The following MOK variants were observed in gnomAD, a reference collection of about 807,000 sequenced individuals.
MOK encodes the protein MOK protein kinase.
MOK carries 59 observed loss-of-function variants against 54.2 expected under a neutral mutation model. That is an observed-to-expected ratio of 1.09 (90% CI 0.88 to 1.35). The LOEUF is 1.35. Ranked by LOEUF, MOK falls within the 40% of genes most tolerant of loss-of-function variation. The probability of loss-of-function intolerance (pLI) is 0.00; values close to 1 mark genes in which losing one functional copy is unlikely to be tolerated. For missense variants in MOK, 517 were observed against 526.2 expected, an observed-to-expected ratio of 0.98 and a Z score of 0.17; for synonymous variants, 210 against 202.7, an observed-to-expected ratio of 1.04 and a Z score of -0.31.
At chr14:102,269,219 C>T (rs1049105103) in intron 2 of MOK, among the ~76,000 whole-genome samples, 10 of 150,418 alleles carry the variant, frequency 6.6e-5, no homozygotes, top group African/African-American at 2.4e-4. Flanking sequence ...CAAAATCTTG[C>T]TCTGTCATTC....
chr14:102,217,935 G>A, the MOK span, among the ~76,000 whole-genome samples: 1 of 152,216 alleles, frequency 6.6e-6, no homozygotes, highest in Non-Finnish European at 1.5e-5. Context: ...ACCTGCCACA[G>A]AGGCCAGCAT....
intron 2 of MOK, 165 bp downstream of exon 2, chr14:102,283,313 C>G: frequency 3.9e-6 from 2 of 517,212 alleles, no homozygotes; most frequent in Non-Finnish European, 6.8e-6. Flanking sequence ...TGAGTAAACT[C>G]CAGTATGATA....
chr14:102,266,315 T>G lies in MOK; in HGVS notation c.123-403A>C, dbSNP rs546300147. On this transcript the variant is annotated intron_variant, in intron 2 of 11. Coordinates refer to ENST00000361847, the MANE Select transcript of MOK (RefSeq NM_014226.3). ...GAAAAGACCCACCCCTCCTTTTTTT[T>G]TTTGTTTTTGAGACAAAGCCTCACT... Among the ~76,000 whole-genome samples the G allele has an allele frequency of 7.9e-5, 12 of 152,196 alleles. No homozygotes were observed. The South Asian group carries it at 8.3e-4, about 11-fold the overall frequency.
intron 4 of MOK, among the ~76,000 whole-genome samples, chr14:102,256,964 A>G (rs969773761): frequency 6.6e-6 from 1 of 152,044 alleles, no homozygotes; most frequent in African/African-American, 2.4e-5. Context: ...ACTCACGCCA[A>G]AGAATTCAGA....
chr14:102,231,620 G>C lies in MOK; in HGVS notation c.981+87C>G. On this transcript the variant is annotated intron_variant, in intron 10 of 11. Transcript: ENST00000361847. The surrounding 1 kb of genome is among the most constrained non-coding windows in gnomAD (Gnocchi z 4.4). ...TGGTCTGCCACAGCCTCCACAGGTG[G>C]CGTCCTCCTGAGAGAGACACAGGCC... 1.7e-6 allele frequency: 2 copies of C among 1,143,214 alleles called. No homozygotes were observed. Among genetic ancestry groups the C allele is most frequent in the Non-Finnish European group, 1.3e-6 (1 of 770,758 alleles). 70.8% of individuals were successfully genotyped at this position (1,143,214 alleles called of 1,614,324 possible). A position where few individuals can be genotyped will look rare whatever the true frequency, so the allele number is the denominator to read the frequency against.
rs758962195 is a variant in MOK, at chr14:102,231,323, T to G, written c.981+384A>C. 6 of 164,150 alleles carry G rather than the reference T, an allele frequency of 3.7e-5. No individual in the cohort carries two copies. Among genetic ancestry groups the G allele is most frequent in the Non-Finnish European group, 6.5e-5 (5 of 76,486 alleles). The allele number at this position is 164,150 out of a possible 1,614,324, so 10.2% of individuals were successfully genotyped here. A position where few individuals can be genotyped will look rare whatever the true frequency, so the allele number is the denominator to read the frequency against. The stretch of plus-strand genomic sequence containing the variant: ...GCTGGGTGGGTGACTTGGGCCAGCA[T>G]TGCATCTTCTTGGCGCCTCCCTCCA... On this transcript the variant is annotated intron_variant, in intron 10 of 11. Transcript: ENST00000361847. This position sits in a 1 kb window ranked among gnomAD's most constrained non-coding sequence, Gnocchi z 4.4.
chr14:102,274,255 A>G (rs78103552), intron 2 of MOK, among the ~76,000 whole-genome samples: 35 of 119,796 alleles, frequency 2.9e-4, no homozygotes, highest in Non-Finnish European at 5.3e-4. Flanking sequence ...CCGTACCTGC[A>G]TTTTTTTTTT....
At chr14:102,302,157 C>A (rs950471335) in intron 1 of MOK, among the ~76,000 whole-genome samples, 3 of 151,706 alleles carry the variant, frequency 2.0e-5, no homozygotes, top group Non-Finnish European at 2.9e-5. Flanking sequence ...ACTGCAACGC[C>A]CCCCTCCCAG....
intron 7 of MOK, among the ~76,000 whole-genome samples, chr14:102,247,876 T>A (rs923364493): frequency 6.6e-6 from 1 of 152,256 alleles, no homozygotes; most frequent in South Asian, 2.1e-4. Context: ...CTTTAGTACC[T>A]GGTTTCCATG....
the MOK span, among the ~76,000 whole-genome samples, chr14:102,216,107 G>A: frequency 1.3e-5 from 2 of 152,190 alleles, no homozygotes; most frequent in African/African-American, 4.8e-5. Flanking sequence ...ATCGGGTGGG[G>A]AACTCCCAGA....
At chr14:102,289,348 C>T (rs750549405) in intron 1 of MOK, among the ~76,000 whole-genome samples, 1 of 152,102 alleles carries the variant, frequency 6.6e-6, no homozygotes, top group East Asian at 1.9e-4. Context: ...GAAACACAGA[C>T]TGAGAAATCT....
chr14:102,217,942 G>A, the MOK span, among the ~76,000 whole-genome samples: 3 of 152,212 alleles, frequency 2.0e-5, no homozygotes, highest in Non-Finnish European at 2.9e-5. Context: ...ACAGAGGCCA[G>A]CATTGGAGCC....
chr14:102,274,635 T>C lies in MOK; in HGVS notation c.123-8723A>G, dbSNP rs114340336. Among the ~76,000 whole-genome samples the C allele has an allele frequency of 4.3e-3, 656 of 151,844 alleles. 7 individuals are homozygous for C. The highest frequency in any genetic ancestry group is 0.015 in the African/African-American group (623 of 41,420). On this transcript the variant is annotated intron_variant, in intron 2 of 11. Coordinates refer to ENST00000361847, the MANE Select transcript of MOK (RefSeq NM_014226.3). Reference sequence around the variant, plus strand: ...AAAAAAAATTGAGCTGATTCTAAAATGTATGTGGATGTACAGAGGACCTAC... The same window carrying C: ...AAAAAAAATTGAGCTGATTCTAAAACGTATGTGGATGTACAGAGGACCTAC...
At position 102,265,869 on chromosome 14, in the gene MOK, G is replaced by A. The variant is rs774789715; in HGVS notation, c.166C>T (p.Arg56Cys). ...NNLREIQALR[R>C]LNPHPNILML... Reference sequence around the variant, plus strand: ...AGAATGTTTGGGTGCGGATTCAGGCGCCTCAGTGCTTGGATCTCTCGTAGG... The same window carrying A: ...AGAATGTTTGGGTGCGGATTCAGGCACCTCAGTGCTTGGATCTCTCGTAGG... The change falls in exon 3 of 12, where the codon CGC becomes TGC. Residue 56 changes from arginine (R) to cysteine (C), a missense_variant. Coordinates refer to ENST00000361847, the MANE Select transcript of MOK (RefSeq NM_014226.3). 16 of 1,613,802 alleles carry A rather than the reference G, an allele frequency of 9.9e-6. No individual in the cohort carries two copies. The highest frequency in any genetic ancestry group is 4.5e-5 in the East Asian group (2 of 44,880).
At chr14:102,304,913 C>T in intron 1 of MOK, 49 bp downstream of exon 1, 1 of 1,556,026 alleles carries the variant, frequency 6.4e-7, no homozygotes, top group Non-Finnish European at 8.8e-7. Context: ...TCCCTCCCTC[C>T]CCCGCCACTC....
At chr14:102,215,107 T>A in the MOK span, 1 of 568,928 alleles carries the variant, frequency 1.8e-6, no homozygotes, top group Non-Finnish European at 2.2e-6. Flanking sequence ...AGGACCTTGT[T>A]AATGTTTATA....
chr14:102,229,693 G>A, intron 10 of MOK, 36 bp from the exon 11 acceptor site: 2 of 1,527,860 alleles, frequency 1.3e-6, no homozygotes, highest in Non-Finnish European at 1.8e-6. Flanking sequence ...GACATAAAAC[G>A]CTTTCTGCTT....
At chr14:102,224,917 T>C (rs2064181010), downstream of MOK, 2 of 402,670 alleles carry the variant, frequency 5.0e-6, no homozygotes, top group South Asian at 3.7e-5. Context: ...ATGTTTTAGG[T>C]ACTTTGGTAT....
chr14:102,247,103 T>G (rs2066153088), intron 7 of MOK, among the ~76,000 whole-genome samples: 2 of 152,044 alleles, frequency 1.3e-5, no homozygotes, highest in African/African-American at 4.8e-5. Flanking sequence ...TGCGACTGTG[T>G]CCTTATCCCA....
Sources: allele counts gnomAD v4.1 joint callset (sites outside exome capture counted in the v4.1 genomes callset), GRCh38; gene constraint gnomAD v4.1.1; non-coding constraint Gnocchi (gnomAD v3.1); transcripts MANE v1.5; gene names NCBI Gene and HGNC (gene_info 2026-07-23, HGNC 2026-07-21).